Variants in UVSSA observed in about 807,000 individuals in gnomAD.
UVSSA encodes UV-stimulated scaffold protein A.
In UVSSA, 72 loss-of-function variants were observed where a neutral mutation model predicts 73.9. That is an observed-to-expected ratio of 0.97 (90% CI 0.81 to 1.19). The LOEUF (loss-of-function observed/expected upper bound fraction) is 1.19, where lower values mean the gene tolerates loss of function less well. Ranked by LOEUF, UVSSA falls within the 50% of genes most tolerant of loss-of-function variation. UVSSA has a pLI of 0.00. For synonymous variants in UVSSA, 454 were observed against 391.3 expected, an observed-to-expected ratio of 1.16 and a Z score of -1.89; for missense variants, 1,150 against 965.0, an observed-to-expected ratio of 1.19 and a Z score of -2.54.
In UVSSA at chr4:1,380,077, C is replaced by T. The variant is rs779498260; in HGVS notation, c.1599C>T (p.Pro533=). The change falls in exon 11 of 14, where the codon CCC becomes CCT. Residue 533 remains proline, a synonymous_variant. Coordinates refer to ENST00000389851, the MANE Select transcript of UVSSA (RefSeq NM_020894.4). The part of the protein sequence containing the change: ...KSDSQHRFWK[P]SEVEEEVVNA... ...ACTCCCAGCACCGCTTCTGGAAGCC[C>T]AGCGAGGTGGAGGAGGAAGTGGTCA... The T allele has an allele frequency of 1.4e-5, 23 of 1,610,890 alleles. No individual in the cohort carries two copies. Among genetic ancestry groups the T allele is most frequent in the African/African-American group, 4.0e-5 (3 of 74,900 alleles).
upstream of UVSSA, among the ~76,000 whole-genome samples, chr4:1,345,537 C>A (rs536178642): frequency 6.7e-6 from 1 of 148,364 alleles, no homozygotes; most frequent in South Asian, 2.2e-4. Context: ...CCCAGCTACT[C>A]GGGAGGCTGA....
intron 5 of UVSSA, among the ~76,000 whole-genome samples, chr4:1,354,345 G>GGGGCTGGTGAGGCT (rs954092528): frequency 2.6e-5 from 4 of 152,106 alleles, no homozygotes; most frequent in Non-Finnish European, 4.4e-5. Flanking sequence ...CGGGGGGGTG[G>GGGGCTGGTGAGGCT]GGGCTGGTGA....
At chr4:1,388,300 G>A (rs575103288), downstream of UVSSA, 1 of 152,296 alleles carries the variant, frequency 6.6e-6, no homozygotes, top group South Asian at 2.1e-4. Context: ...GCTAATATGT[G>A]GAAGTACAAC....
intron 4 of UVSSA, 147 bp downstream of exon 4, chr4:1,351,982 G>A (rs1261399468): frequency 1.5e-6 from 2 of 1,330,550 alleles, no homozygotes; most frequent in African/African-American, 1.5e-5. Context: ...CGGGCCGGAA[G>A]GCGTTCTTAG....
rs551120149 is a variant in UVSSA, at chr4:1,374,061, G to A, written c.1289-1303G>A. Among the ~76,000 whole-genome samples the A allele has an allele frequency of 3.9e-5, 6 of 152,242 alleles. No individual in the cohort carries two copies. In the East Asian group the frequency reaches 7.7e-4, roughly 20 times the overall value. On this transcript the variant is annotated intron_variant, in intron 8 of 13. Coordinates refer to ENST00000389851, the MANE Select transcript of UVSSA (RefSeq NM_020894.4). The stretch of plus-strand genomic sequence containing the variant: ...CTGCCGCAGCCAGGACGCCTTGCTC[G>A]GTCCGTTTTCTTTCCGTGGATTCCG...
intron 7 of UVSSA, among the ~76,000 whole-genome samples, chr4:1,357,787 C>T (rs986059798): frequency 6.6e-6 from 1 of 152,232 alleles, no homozygotes; most frequent in Non-Finnish European, 1.5e-5. Context: ...CTCCTGCTGG[C>T]CGTGCCCTTC....
intron 12 of UVSSA, among the ~76,000 whole-genome samples, chr4:1,381,526 GGGCCCATCTGCCCACCCTGTCTCACCCCA>G (rs1719500590): frequency 6.6e-6 from 1 of 152,182 alleles, no homozygotes; most frequent in Non-Finnish European, 1.5e-5. Flanking sequence ...CACATCAGCA[GGGCCCATCTGCCCACCCTGTCTCACCCCA>G]GGCCCATCTG....
chr4:1,379,784 G>A (rs1469093414), intron 10 of UVSSA, among the ~76,000 whole-genome samples: 1 of 35,106 alleles, frequency 2.8e-5, no homozygotes, highest in Middle Eastern at 9.4e-3. Flanking sequence ...AGACGCAGGC[G>A]GTCGTGCCCG....
chr4:1,388,536 T>A (rs561550396), downstream of UVSSA: 1 of 152,378 alleles, frequency 6.6e-6, no homozygotes, highest in South Asian at 2.1e-4. Flanking sequence ...CTCGTCTTAC[T>A]CTTGATCTTA....
In UVSSA at chr4:1,387,018, CAGG is replaced by C. The variant is rs1166277203; in HGVS notation, c.*1060_*1062del. ...ACAGGCATGAGCCACCACTCCTGGCCAGGAGTTTATATGTATACTGTGGATACT... is the reference window on the plus strand; with the variant it reads ...ACAGGCATGAGCCACCACTCCTGGCCAGTTTATATGTATACTGTGGATACT... On this transcript the variant is annotated 3_prime_UTR_variant, in exon 14 of 14. Transcript: ENST00000389851. 1 of 151,452 alleles carries C rather than the reference CAGG, an allele frequency of 6.6e-6. No individual in the cohort carries two copies. Among genetic ancestry groups the C allele is most frequent in the Non-Finnish European group, 1.5e-5 (1 of 67,942 alleles). The allele number at this position is 151,452 out of a possible 1,614,324, so 9.4% of individuals were successfully genotyped here.
At chr4:1,394,748 G>T in exon 14 of UVSSA, 1 of 1,597,900 alleles carries the variant, frequency 6.3e-7, no homozygotes, top group South Asian at 1.1e-5. Context: ...CTGCTCATGT[G>T]CCCATGTGGA....
At chr4:1,365,721 G>A (rs1191297784) in intron 7 of UVSSA, among the ~76,000 whole-genome samples, 5 of 152,224 alleles carry the variant, frequency 3.3e-5, no homozygotes, top group Admixed American at 2.6e-4. Flanking sequence ...AGCACCACGG[G>A]AGAACCCTGT....
Position 1,349,561 on chromosome 4 carries a change from C to T in UVSSA, c.136C>T (p.Leu46=). 1 of 1,613,946 alleles carries T rather than the reference C, an allele frequency of 6.2e-7. No homozygotes were observed. The highest frequency in any genetic ancestry group is 1.3e-5 in the African/African-American group (1 of 75,064). The change falls in exon 3 of 14, where the codon CTG becomes TTG. Residue 46 remains leucine (L), a synonymous_variant. Coordinates refer to ENST00000389851, the MANE Select transcript of UVSSA (RefSeq NM_020894.4). ...GCAGCTGAGCCGCGCCTACCGCCTG[C>T]TGATAGCACAGCTGACCCAGGAGCA... ...EEQLSRAYRL[L]IAQLTQEHAE... is the part of the protein sequence containing the mutation.
chr4:1,342,689 C>T (rs1437501970), upstream of UVSSA, among the ~76,000 whole-genome samples: 1 of 152,160 alleles, frequency 6.6e-6, no homozygotes, highest in Non-Finnish European at 1.5e-5. Flanking sequence ...GGATGATTCC[C>T]CACCATCCCA....
rs756002640 is a variant in UVSSA at position 1,380,270 on chromosome 4, G to C, written c.1752+40G>C. 6 of 1,583,954 alleles carry C rather than the reference G, an allele frequency of 3.8e-6. No homozygotes were observed. The East Asian group carries it at 9.1e-5, about 24-fold the overall frequency. ...CGAGGGCGGGGGTGGGTGTGGGCTG[G>C]ACCAGGTGGGGCAGCCAGAGGGGTG... On this transcript the variant is annotated intron_variant, in intron 11 of 13. Transcript: ENST00000389851.
Position 1,380,098 on chromosome 4 carries a change from G to C in UVSSA, c.1620G>C (p.Val540=). ...FWKPSEVEEE[V]VNADISEMLR... ...AGCCCAGCGAGGTGGAGGAGGAAGTGGTCAATGCCGACATCTCCGAGATGC... is the reference window on the plus strand; with the variant it reads ...AGCCCAGCGAGGTGGAGGAGGAAGTCGTCAATGCCGACATCTCCGAGATGC... Residue 540 remains valine, a synonymous_variant, in exon 11 of 14, where the codon GTG becomes GTC. Transcript: ENST00000389851. 1 of 1,612,448 alleles carries C rather than the reference G, an allele frequency of 6.2e-7. No individual in the cohort carries two copies. Among genetic ancestry groups the C allele is most frequent in the Non-Finnish European group, 8.5e-7 (1 of 1,179,692 alleles).
At position 1,354,834 on chromosome 4, in the gene UVSSA, G is replaced by A; in HGVS notation, c.1034G>A (p.Cys345Tyr). ...CGGAACAAGTTCCTGCCGGCTGTGTGCTCGTGGATCCAGGTGAGCCTCGAA... is the reference window on the plus strand; with the variant it reads ...CGGAACAAGTTCCTGCCGGCTGTGTACTCGTGGATCCAGGTGAGCCTCGAA... ...LIRNKFLPAVCSWIQRFTRVG... is the reference protein window; with the variant it reads ...LIRNKFLPAVYSWIQRFTRVG... Residue 345 changes from cysteine (C) to tyrosine (Y), a missense_variant, in exon 6 of 14, where the codon TGC becomes TAC. Coordinates refer to ENST00000389851, the MANE Select transcript of UVSSA (RefSeq NM_020894.4). 1 of 1,611,518 alleles carries A rather than the reference G, an allele frequency of 6.2e-7. No homozygotes were observed. The highest frequency in any genetic ancestry group is 1.1e-5 in the South Asian group (1 of 90,796).
intron 12 of UVSSA, among the ~76,000 whole-genome samples, chr4:1,382,133 G>A (rs1719582330): frequency 6.6e-6 from 1 of 152,234 alleles, no homozygotes; most frequent in Admixed American, 6.5e-5. Context: ...GTTGAGTGCA[G>A]CCTGATGCCC....
At position 1,371,888 on chromosome 4, in the gene UVSSA, A is replaced by G. The variant is rs151304541; in HGVS notation, c.1289-3476A>G. On this transcript the variant is annotated intron_variant, in intron 8 of 13. Transcript: ENST00000389851. ...TGGTGGTTTTGACTGTGCTGTACAAACCACCCGTGATACGGCTCATTCTTT... is the reference window on the plus strand; with the variant it reads ...TGGTGGTTTTGACTGTGCTGTACAAGCCACCCGTGATACGGCTCATTCTTT... Among the ~76,000 whole-genome samples, 974 of 152,282 alleles carry G rather than the reference A, an allele frequency of 6.4e-3. 1 individual carries two copies. The highest frequency in any genetic ancestry group is 9.4e-3 in the Non-Finnish European group (638 of 68,022).
Sources: allele counts gnomAD v4.1 joint callset (sites outside exome capture counted in the v4.1 genomes callset), GRCh38; gene constraint gnomAD v4.1.1; transcripts MANE v1.5; gene names NCBI Gene and HGNC (gene_info 2026-07-23, HGNC 2026-07-21).